SPPL3: variants seen among roughly 807,000 people sequenced by gnomAD.
SPPL3 encodes the protein signal peptide peptidase like 3.
In SPPL3, 5 loss-of-function variants were observed where a neutral mutation model predicts 42.4. That is an observed-to-expected ratio of 0.12 (90% CI 0.06 to 0.25). The LOEUF (loss-of-function observed/expected upper bound fraction) is 0.25. SPPL3 is among the 10% of genes least tolerant of loss of function. The pLI, the probability that SPPL3 is intolerant of heterozygous loss-of-function variation, is 1.00. For missense variants in SPPL3, 235 were observed against 489.0 expected, an observed-to-expected ratio of 0.48 and a Z score of 4.90; for synonymous variants, 195 against 181.8, an observed-to-expected ratio of 1.07 and a Z score of -0.58.
At chr12:120,808,400 G>C (rs1227609708) in intron 2 of SPPL3, among the ~76,000 whole-genome samples, 1 of 151,978 alleles carries the variant, frequency 6.6e-6, no homozygotes, top group Non-Finnish European at 1.5e-5. Context: ...TAAACAGGGA[G>C]GTTCACCAGA....
chr12:120,881,690 C>T (rs1389031686), intron 1 of SPPL3, among the ~76,000 whole-genome samples: 1 of 151,190 alleles, frequency 6.6e-6, no homozygotes, highest in Non-Finnish European at 1.5e-5. Flanking sequence ...AAAATGTGGT[C>T]TTACCCATAC....
chr12:120,882,498 G>T (rs1324825293), intron 1 of SPPL3, among the ~76,000 whole-genome samples: 1 of 152,058 alleles, frequency 6.6e-6, no homozygotes, highest in Non-Finnish European at 1.5e-5. Context: ...CACATTTCTA[G>T]AAAGATAGAA....
At chr12:120,847,618 G>C (rs1051889614) in intron 1 of SPPL3, among the ~76,000 whole-genome samples, 2 of 151,460 alleles carry the variant, frequency 1.3e-5, no homozygotes, top group African/African-American at 2.4e-5. Context: ...TTTAAGTAGA[G>C]GCAGGTCTCA....
intron 1 of SPPL3, among the ~76,000 whole-genome samples, chr12:120,856,466 C>A (rs1462552127): frequency 6.6e-6 from 1 of 150,982 alleles, no homozygotes; most frequent in Non-Finnish European, 1.5e-5. Context: ...ACTCACTGAG[C>A]CCCCTGGCCA....
intron 10 of SPPL3, among the ~76,000 whole-genome samples, 163 bp downstream of exon 10, chr12:120,766,100 G>GCGCACA (rs1186435935): frequency 4.0e-4 from 34 of 84,138 alleles, no homozygotes; most frequent in South Asian, 2.5e-3. Flanking sequence ...GCGCGCGCGC[G>GCGCACA]CACACACACA....
At chr12:120,901,256 T>C (rs545016213) in intron 1 of SPPL3, among the ~76,000 whole-genome samples, 12 of 152,266 alleles carry the variant, frequency 7.9e-5, no homozygotes, top group Admixed American at 2.6e-4. Flanking sequence ...TAGTTCCTTA[T>C]TTTATTATAT....
intron 1 of SPPL3, among the ~76,000 whole-genome samples, chr12:120,892,755 G>A (rs2137067263): frequency 6.6e-6 from 1 of 152,184 alleles, no homozygotes. Context: ...GACCAAGGCG[G>A]GTGCATCACA....
At chr12:120,809,344 C>CAA (rs772373753) in intron 2 of SPPL3, among the ~76,000 whole-genome samples, 3 of 133,930 alleles carry the variant, frequency 2.2e-5, no homozygotes, top group Middle Eastern at 4.0e-3. Context: ...GACTCCGTCT[C>CAA]AAAAAAAAAA....
chr12:120,889,074 G>A (rs890155202), intron 1 of SPPL3, among the ~76,000 whole-genome samples: 3 of 151,922 alleles, frequency 2.0e-5, no homozygotes, highest in East Asian at 1.9e-4. Flanking sequence ...TCAGCCTCCG[G>A]AAATGCTGAG....
intron 1 of SPPL3, among the ~76,000 whole-genome samples, chr12:120,852,879 C>G (rs28541758): frequency 0.023 from 195 of 8,430 alleles, 2 homozygotes; most frequent in Middle Eastern, 0.12. Context: ...ATATACATAT[C>G]ATATATATTT....
intron 1 of SPPL3, among the ~76,000 whole-genome samples, chr12:120,878,712 T>C (rs1873186365): frequency 6.6e-6 from 1 of 152,200 alleles, no homozygotes; most frequent in Non-Finnish European, 1.5e-5. Context: ...TGGTCAAAAA[T>C]TATTTTTTCT....
intron 2 of SPPL3, among the ~76,000 whole-genome samples, chr12:120,801,475 A>G (rs1328307091): frequency 2.0e-5 from 3 of 151,976 alleles, no homozygotes; most frequent in Admixed American, 2.0e-4. Flanking sequence ...GCACATTAAC[A>G]AATCTGTATG....
chr12:120,817,291 T>C (rs1870915601), intron 1 of SPPL3, among the ~76,000 whole-genome samples: 1 of 152,124 alleles, frequency 6.6e-6, no homozygotes, highest in Non-Finnish European at 1.5e-5. Flanking sequence ...CGAGACCCTG[T>C]CTCAAAAAAG....
chr12:120,850,464 G>C (rs2137033156), intron 1 of SPPL3, among the ~76,000 whole-genome samples: 1 of 134,118 alleles, frequency 7.5e-6, no homozygotes, highest in South Asian at 2.4e-4. Context: ...TTCAAGACCA[G>C]CCTGGACAAC....
chr12:120,878,766 A>G lies in SPPL3; in HGVS notation c.23+25079T>C, dbSNP rs369014009. Among the ~76,000 whole-genome samples, 23 of 152,276 alleles carry G rather than the reference A, an allele frequency of 1.5e-4. No homozygotes were observed. The East Asian group carries it at 3.5e-3, about 23-fold the overall frequency. On this transcript the variant is annotated intron_variant, in intron 1 of 10. Transcript: ENST00000353487. ...AATCCTTCTGTTGTGTTATCTTACC[A>G]TATCATACACACTGAAATAAAGCTA...
At chr12:120,850,624 TGTGA>T (rs1484902688) in intron 1 of SPPL3, among the ~76,000 whole-genome samples, 4 of 152,292 alleles carry the variant, frequency 2.6e-5, no homozygotes, top group African/African-American at 9.6e-5. Flanking sequence ...CCTTTTTAAA[TGTGA>T]GTAACATCCT....
intron 2 of SPPL3, among the ~76,000 whole-genome samples, chr12:120,799,752 T>C (rs560064628): frequency 3.5e-4 from 53 of 152,284 alleles, no homozygotes; most frequent in Non-Finnish European, 7.1e-4. Flanking sequence ...CACAGTGAGT[T>C]AGTAGGGCCT....
At chr12:120,870,981 A>C (rs574434896) in intron 1 of SPPL3, among the ~76,000 whole-genome samples, 24 of 151,882 alleles carry the variant, frequency 1.6e-4, no homozygotes, top group Admixed American at 1.2e-3. Flanking sequence ...ACAAAAAAAA[A>C]CAGCCGGGCA....
chr12:120,778,610 A>C (rs1364361156), intron 6 of SPPL3, among the ~76,000 whole-genome samples: 2 of 152,124 alleles, frequency 1.3e-5, no homozygotes, highest in African/African-American at 4.8e-5. Flanking sequence ...CATCACTATA[A>C]TCTTGTCTTT....
Sources: gnomAD v4.1 joint callset for allele counts (sites outside exome capture counted in the v4.1 genomes callset) on GRCh38, gnomAD v4.1.1 for gene constraint, MANE v1.5 for transcripts, NCBI Gene and HGNC (gene_info 2026-07-23, HGNC 2026-07-21) for gene names.